SCN11A: variants seen among roughly 807,000 people sequenced by gnomAD.
The protein encoded by SCN11A is sodium voltage-gated channel alpha subunit 11.
SCN11A carries 122 observed loss-of-function variants against 162.2 expected under a neutral mutation model. That is an observed-to-expected ratio of 0.75 (90% CI 0.65 to 0.87). The LOEUF (loss-of-function observed/expected upper bound fraction) is 0.87, where lower values mean the gene tolerates loss of function less well. Ranked by LOEUF, SCN11A falls within the 40% of genes least tolerant of loss-of-function variation. The pLI is 0.00. For synonymous variants in SCN11A, 758 were observed against 751.5 expected, an observed-to-expected ratio of 1.01 and a Z score of -0.14; for missense variants, 2,015 against 2,181.6, an observed-to-expected ratio of 0.92 and a Z score of 1.52.
At chr3:38,875,404 T>C (rs1034046147) in intron 23 of SCN11A, among the ~76,000 whole-genome samples, 4 of 152,086 alleles carry the variant, frequency 2.6e-5, no homozygotes, top group Non-Finnish European at 5.9e-5. Flanking sequence ...TGGTAAAACT[T>C]ACCTGCAAAA....
rs1442107589 is a variant in SCN11A, at chr3:38,929,130, T to TGC, written c.489-2201_489-2200dup. 3.8e-3 allele frequency among the ~76,000 whole-genome samples: 550 copies of TGC among 145,236 alleles called. 1 individual carries two copies. The highest frequency in any genetic ancestry group is 4.7e-3 in the Non-Finnish European group (310 of 66,250). On this transcript the variant is annotated intron_variant, in intron 7 of 29. Transcript: ENST00000302328. ...CACACTGTCAAAAATACTGGGTCTG[T>TGC]GCACGCACACACACACACACACACA...
At chr3:39,049,381 A>G (rs1220109971) in intron 1 of SCN11A, among the ~76,000 whole-genome samples, 1 of 152,278 alleles carries the variant, frequency 6.6e-6, no homozygotes, top group African/African-American at 2.4e-5. Flanking sequence ...AGTGTTAGAG[A>G]AAATGATAGT....
chr3:39,033,743 A>T (rs2031825019), intron 1 of SCN11A, among the ~76,000 whole-genome samples: 1 of 152,230 alleles, frequency 6.6e-6, no homozygotes, highest in Admixed American at 6.5e-5. Context: ...TGTGGATTCA[A>T]GCAACTGCAA....
chr3:38,930,753 C>T (rs1421914817), intron 7 of SCN11A, among the ~76,000 whole-genome samples: 1 of 152,186 alleles, frequency 6.6e-6, no homozygotes, highest in African/African-American at 2.4e-5. Context: ...GAGGAAATTA[C>T]ATGCCTCCTT....
intron 2 of SCN11A, among the ~76,000 whole-genome samples, chr3:39,001,999 TGCACTTCA>T (rs2030829540): frequency 6.6e-6 from 1 of 151,842 alleles, no homozygotes; most frequent in Non-Finnish European, 1.5e-5. Context: ...ATGACGCCAC[TGCACTTCA>T]GCCTGGGCGA....
chr3:38,955,287 A>C (rs11916135), intron 3 of SCN11A, among the ~76,000 whole-genome samples: 8,265 of 152,034 alleles, frequency 0.054, 733 homozygotes, highest in African/African-American at 0.18. Context: ...ACTCTGTCCC[A>C]AAAAAAATGA....
chr3:39,003,774 T>C (rs980406847), intron 2 of SCN11A, among the ~76,000 whole-genome samples: 4 of 152,260 alleles, frequency 2.6e-5, no homozygotes, highest in African/African-American at 9.6e-5. Context: ...ATTTCTTTAA[T>C]GATCTGTGAT....
intron 1 of SCN11A, among the ~76,000 whole-genome samples, chr3:39,042,957 C>CAAAAAAAAAAAAAAAAAA (rs561204433): frequency 1.3e-3 from 85 of 65,732 alleles, no homozygotes; most frequent in Non-Finnish European, 2.4e-3. Flanking sequence ...AACTCCATCT[C>CAAAAAAAAAAAAAAAAAA]AAAAAAAAAA....
chr3:38,952,433 G>T (rs1418974508), intron 4 of SCN11A, among the ~76,000 whole-genome samples: 1 of 152,076 alleles, frequency 6.6e-6, no homozygotes, highest in East Asian at 1.9e-4. Context: ...CCCACTCCAG[G>T]AAATTATAGT....
chr3:39,021,564 G>A (rs2031451610), intron 2 of SCN11A, among the ~76,000 whole-genome samples: 1 of 152,144 alleles, frequency 6.6e-6, no homozygotes, highest in Non-Finnish European at 1.5e-5. Context: ...TTCTTGAGGG[G>A]CTGCTAAGAA....
intron 2 of SCN11A, among the ~76,000 whole-genome samples, chr3:38,996,244 G>A (rs76342023): frequency 0.028 from 4,285 of 152,260 alleles, 204 homozygotes; most frequent in African/African-American, 0.098. Context: ...AAGGGTGGAT[G>A]GACATAGGCA....
At chr3:39,005,788 T>A (rs1385456665) in intron 2 of SCN11A, among the ~76,000 whole-genome samples, 1 of 152,242 alleles carries the variant, frequency 6.6e-6, no homozygotes, top group Admixed American at 6.5e-5. Context: ...CAATCAGTAT[T>A]TAAACATAAC....
chr3:38,878,511 TCA>T (rs1204349143), intron 23 of SCN11A, among the ~76,000 whole-genome samples: 3 of 152,082 alleles, frequency 2.0e-5, no homozygotes, highest in African/African-American at 7.2e-5. Flanking sequence ...AATCATCTGT[TCA>T]CACAGTTTTT....
At position 38,925,465 on chromosome 3, in the gene SCN11A, A is replaced by G. The variant is rs2066123935; in HGVS notation, c.662T>C (p.Leu221Pro). Residue 221 changes from leucine to proline, a missense_variant, in exon 9 of 30, where the codon CTG becomes CCG. Physicochemically the swap from Leu to Pro is moderately conservative, Grantham distance 98. Transcript: ENST00000302328. Reference protein sequence around the residue: ...IPGITIKLLPLRTFRVFRALK... With the variant: ...IPGITIKLLPPRTFRVFRALK... ...AGCTCTGAACACACGGAAGGTACGC[A>G]GGGGCAATAGTTTGATGGTGATTCC... The G allele has an allele frequency of 6.2e-7, 1 of 1,613,940 alleles. No individual in the cohort carries two copies. The highest frequency in any genetic ancestry group is 8.5e-7 in the Non-Finnish European group (1 of 1,179,802).
intron 1 of SCN11A, among the ~76,000 whole-genome samples, chr3:39,037,829 A>G (rs951225575): frequency 1.3e-5 from 2 of 152,232 alleles, no homozygotes; most frequent in Non-Finnish European, 2.9e-5. Context: ...AAAATAAAGA[A>G]GGATGTTAAA....
rs201958340 is a variant in SCN11A, at chr3:38,905,219, C to G, written c.1576G>C (p.Val526Leu). 1.1e-5 allele frequency: 17 copies of G among 1,614,028 alleles called. No homozygotes were observed. Among genetic ancestry groups the G allele is most frequent in the Non-Finnish European group, 1.3e-5 (15 of 1,179,918 alleles). The change falls in exon 15 of 30, where the codon GTC becomes CTC. Residue 526 changes from valine (V) to leucine (L), a missense_variant. By Grantham distance (32) the Val-to-Leu change is conservative (BLOSUM62 1). Transcript: ENST00000302328. ...TTCATGGTGATGGTGAGGATGCTGACAGCACTCAGTGCTCTCTGCCTTTGG... is the reference window on the plus strand; with the variant it reads ...TTCATGGTGATGGTGAGGATGCTGAGAGCACTCAGTGCTCTCTGCCTTTGG... ...PLQRQRALSA[V>L]SILTITMKEQ... is the part of the protein sequence containing the mutation.
chr3:38,940,035 AT>A (rs1038271265), intron 7 of SCN11A, among the ~76,000 whole-genome samples: 2 of 146,798 alleles, frequency 1.4e-5, no homozygotes, highest in Non-Finnish European at 3.0e-5. Flanking sequence ...AAATATTGAT[AT>A]GTATAATACT....
intron 7 of SCN11A, among the ~76,000 whole-genome samples, chr3:38,932,378 T>C (rs1273632622): frequency 6.6e-6 from 1 of 152,184 alleles, no homozygotes; most frequent in Non-Finnish European, 1.5e-5. Context: ...TGCAGGACAG[T>C]GGGTGCAGCG....
chr3:38,997,999 C>T (rs2030696210), intron 2 of SCN11A, among the ~76,000 whole-genome samples: 1 of 152,152 alleles, frequency 6.6e-6, no homozygotes, highest in African/African-American at 2.4e-5. Flanking sequence ...ATATCTATAA[C>T]TTAAGGATGA....
Sources: allele counts gnomAD v4.1 joint callset (sites outside exome capture counted in the v4.1 genomes callset), GRCh38; gene constraint gnomAD v4.1.1; transcripts MANE v1.5; gene names NCBI Gene and HGNC (gene_info 2026-07-23, HGNC 2026-07-21).